RBM20: variants seen among roughly 807,000 people sequenced by gnomAD.
The protein encoded by RBM20 is RNA binding motif protein 20.
RBM20 carries 51 observed loss-of-function variants against 110.1 expected under a neutral mutation model. The observed-to-expected ratio is 0.46, with a 90% CI of 0.37 to 0.59. The LOEUF is 0.59. Ranked by LOEUF, RBM20 falls within the 20% of genes least tolerant of loss-of-function variation. RBM20 has a pLI of 0.00. For missense variants in RBM20, 1,512 were observed against 1,574.9 expected, an observed-to-expected ratio of 0.96 and a Z score of 0.68; for synonymous variants, 589 against 618.2, an observed-to-expected ratio of 0.95 and a Z score of 0.70.
At chr10:110,787,649 A>G (rs1429482328) in intron 5 of RBM20, among the ~76,000 whole-genome samples, 1 of 152,204 alleles carries the variant, frequency 6.6e-6, no homozygotes, top group Non-Finnish European at 1.5e-5. Flanking sequence ...CTATCTGATG[A>G]TTTGTGTGTT....
At chr10:110,711,618 T>C (rs1862930249) in intron 1 of RBM20, among the ~76,000 whole-genome samples, 1 of 152,214 alleles carries the variant, frequency 6.6e-6, no homozygotes, top group Non-Finnish European at 1.5e-5. Flanking sequence ...GGGGTTGACA[T>C]TGCCCAGATG....
chr10:110,751,218 G>T (rs545721859), intron 1 of RBM20, among the ~76,000 whole-genome samples: 1 of 152,204 alleles, frequency 6.6e-6, no homozygotes, highest in Non-Finnish European at 1.5e-5. Context: ...TGTAAAACCT[G>T]TCTGGGTGCT....
At chr10:110,801,252 C>G (rs535568912) in intron 7 of RBM20, among the ~76,000 whole-genome samples, 1 of 152,016 alleles carries the variant, frequency 6.6e-6, no homozygotes, top group African/African-American at 2.4e-5. Flanking sequence ...CATGGTGAAA[C>G]CCCGTCTCTA....
chr10:110,776,249 C>G (rs1023052796), intron 1 of RBM20, among the ~76,000 whole-genome samples: 27 of 152,310 alleles, frequency 1.8e-4, no homozygotes, highest in African/African-American at 6.5e-4. Context: ...CCAGTCAGCC[C>G]CTACACCTAC....
At chr10:110,711,190 C>T (rs1052891967) in intron 1 of RBM20, among the ~76,000 whole-genome samples, 3 of 149,022 alleles carry the variant, frequency 2.0e-5, no homozygotes, top group Non-Finnish European at 4.5e-5. Context: ...ATTAGCTGGG[C>T]GTGGTGGTGG....
rs1845147613 is a variant in RBM20, at chr10:110,837,524, ACCTT to A, written c.*1547_*1550del. On this transcript the variant is annotated 3_prime_UTR_variant, in exon 14 of 14. Coordinates refer to ENST00000369519, the MANE Select transcript of RBM20 (RefSeq NM_001134363.3). ...GCAGTTCCTGTTGTTTCTGTTCCTG[ACCTT>A]GGGCAGGCAGACTGAGAAGGGACTG... is the stretch of plus-strand genomic sequence containing the variant. 2 of 152,118 alleles carry A rather than the reference ACCTT, an allele frequency of 1.3e-5. No individual in the cohort carries two copies. The highest frequency in any genetic ancestry group is 3.9e-4 in the East Asian group (2 of 5,190). 9.4% of individuals were successfully genotyped at this position (152,118 alleles called of 1,614,324 possible).
intron 1 of RBM20, among the ~76,000 whole-genome samples, chr10:110,701,991 A>G (rs570085717): frequency 6.6e-6 from 1 of 152,314 alleles, no homozygotes; most frequent in East Asian, 1.9e-4. Flanking sequence ...TGTGTGAAGC[A>G]GGACGTGATT....
intron 1 of RBM20, among the ~76,000 whole-genome samples, chr10:110,687,954 T>C (rs1158598114): frequency 6.6e-6 from 1 of 151,948 alleles, no homozygotes; most frequent in East Asian, 1.9e-4. Flanking sequence ...GAAGTCCTCC[T>C]TGTCCTTCCT....
chr10:110,757,813 T>A (rs1590658054), intron 1 of RBM20, among the ~76,000 whole-genome samples: 1 of 152,060 alleles, frequency 6.6e-6, no homozygotes, highest in Admixed American at 6.6e-5. Flanking sequence ...ATGCTCCTCA[T>A]GGGGCCCATG....
rs1317232820 is a variant in RBM20 at position 110,647,338 on chromosome 10, G to A, written c.191+2693G>A. 3.3e-5 allele frequency among the ~76,000 whole-genome samples: 5 copies of A among 152,078 alleles called. No homozygotes were observed. The East Asian group carries it at 9.6e-4, about 29-fold the overall frequency. ...GATTGCATCTAGAGTTAATTTCTCTGGAGTACAATGATTTCATTTCCTTGT... is the reference window on the plus strand; with the variant it reads ...GATTGCATCTAGAGTTAATTTCTCTAGAGTACAATGATTTCATTTCCTTGT... On this transcript the variant is annotated intron_variant, in intron 1 of 13. Transcript: ENST00000369519.
intron 1 of RBM20, among the ~76,000 whole-genome samples, chr10:110,655,932 A>G (rs1391853458): frequency 2.0e-5 from 3 of 151,998 alleles, no homozygotes; most frequent in Non-Finnish European, 4.4e-5. Flanking sequence ...AAGAGGTATA[A>G]TTGAAGTGTG....
chr10:110,822,560 C>T, intron 11 of RBM20: 1 of 444,292 alleles, frequency 2.3e-6, no homozygotes, highest in South Asian at 1.6e-5. Context: ...GTCTTCTCTG[C>T]CAAGTGGAAC....
Position 110,785,567 on chromosome 10 carries a change from AC to A in RBM20, c.1527+679del, listed in dbSNP as rs1364862702. On this transcript the variant is annotated intron_variant, in intron 5 of 13. Coordinates refer to ENST00000369519, the MANE Select transcript of RBM20 (RefSeq NM_001134363.3). ...CGGGACTCTGTCTCAAAACAAACAAACAAAAAAACCATTTTCTCCATTGTCA... is the reference window on the plus strand; with the variant it reads ...CGGGACTCTGTCTCAAAACAAACAAAAAAAAAACCATTTTCTCCATTGTCA... Among the ~76,000 whole-genome samples the A allele has an allele frequency of 5.5e-4, 84 of 152,238 alleles. 1 individual carries two copies. Among genetic ancestry groups the A allele is most frequent in the South Asian group, 4.8e-3 (23 of 4,818 alleles).
At chr10:110,769,097 C>T (rs1844150178) in intron 1 of RBM20, among the ~76,000 whole-genome samples, 1 of 152,162 alleles carries the variant, frequency 6.6e-6, no homozygotes, top group South Asian at 2.1e-4. Flanking sequence ...CACAATTGTT[C>T]TCCTGGGGAG....
intron 12 of RBM20, chr10:110,827,990 G>A (rs1487159286): frequency 6.6e-6 from 1 of 152,192 alleles, no homozygotes; most frequent in African/African-American, 2.4e-5. Context: ...CATGGCTGGG[G>A]AAGTACACTG....
intron 1 of RBM20, among the ~76,000 whole-genome samples, chr10:110,668,395 T>C (rs1862210725): frequency 6.6e-6 from 1 of 152,162 alleles, no homozygotes; most frequent in Non-Finnish European, 1.5e-5. Flanking sequence ...AGGGAAAAAC[T>C]AACCAAACCA....
At chr10:110,678,505 G>T (rs950685691) in intron 1 of RBM20, among the ~76,000 whole-genome samples, 1 of 152,218 alleles carries the variant, frequency 6.6e-6, no homozygotes, top group African/African-American at 2.4e-5. Context: ...CCTATTGTGT[G>T]ATTTCTCCCT....
chr10:110,767,655 C>T (rs1327257626), intron 1 of RBM20, among the ~76,000 whole-genome samples: 3 of 143,232 alleles, frequency 2.1e-5, no homozygotes, highest in African/African-American at 7.9e-5. Context: ...CAGACGGGGT[C>T]ACGGCCGGGT....
At chr10:110,799,544 A>G (rs1040526558) in intron 6 of RBM20, among the ~76,000 whole-genome samples, 2 of 152,172 alleles carry the variant, frequency 1.3e-5, no homozygotes, top group Non-Finnish European at 2.9e-5. Context: ...TTACATGTGT[A>G]CACCCATATA....
Sources: allele counts gnomAD v4.1 joint callset (sites outside exome capture counted in the v4.1 genomes callset), GRCh38; gene constraint gnomAD v4.1.1; transcripts MANE v1.5; gene names NCBI Gene and HGNC (gene_info 2026-07-23, HGNC 2026-07-21).